ERC2: variants seen among roughly 807,000 people sequenced by gnomAD.
ERC2 encodes the protein ELKS/RAB6-interacting/CAST family member 2.
ERC2 carries 42 observed loss-of-function variants against 114.8 expected under a neutral mutation model. The observed-to-expected ratio is 0.37, with a 90% confidence interval of 0.29 to 0.47. ERC2 has a LOEUF of 0.47. Ranked by LOEUF, ERC2 falls within the 20% of genes least tolerant of loss-of-function variation. The probability of loss-of-function intolerance (pLI) is 0.99; values close to 1 mark genes in which losing one functional copy is unlikely to be tolerated. For synonymous variants in ERC2, 454 were observed against 425.5 expected, an observed-to-expected ratio of 1.07 and a Z score of -0.82; for missense variants, 939 against 1,150.7, an observed-to-expected ratio of 0.82 and a Z score of 2.66.
At chr3:55,733,425 C>A (rs2065387574) in intron 15 of ERC2, among the ~76,000 whole-genome samples, 1 of 151,546 alleles carries the variant, frequency 6.6e-6, no homozygotes, top group African/African-American at 2.4e-5. Flanking sequence ...CTTTCTCTCT[C>A]TCTCTCTCAT....
At chr3:56,330,087 C>T (rs2057540288) in intron 2 of ERC2, among the ~76,000 whole-genome samples, 1 of 151,996 alleles carries the variant, frequency 6.6e-6, no homozygotes, top group Non-Finnish European at 1.5e-5. Flanking sequence ...GGCTAAAGTG[C>T]AAGTGGCAAG....
chr3:56,291,913 T>C (rs2055114620), intron 3 of ERC2, among the ~76,000 whole-genome samples: 2 of 151,860 alleles, frequency 1.3e-5, no homozygotes, highest in African/African-American at 4.8e-5. Flanking sequence ...CCTTATAAAA[T>C]AACTAATGAA....
chr3:55,970,746 G>A (rs1343839284), intron 12 of ERC2, among the ~76,000 whole-genome samples: 1 of 152,174 alleles, frequency 6.6e-6, no homozygotes, highest in Non-Finnish European at 1.5e-5. Context: ...TAGCGGGAAT[G>A]TAAAATGGCA....
rs145119872 is a variant in ERC2, at chr3:56,115,131, G to A, written c.1473+24378C>T. ...CATCTGGTCTTGTGGGCCCCAAGAA[G>A]GAATTGACTTCCAGTCTCCCCTTTG... On this transcript the variant is annotated intron_variant, in intron 6 of 17. Transcript: ENST00000288221. Among the ~76,000 whole-genome samples, 125 of 152,248 alleles carry A rather than the reference G, an allele frequency of 8.2e-4. 1 individual carries two copies. In the East Asian group the frequency reaches 0.021, roughly 25 times the overall value.
At chr3:56,271,621 T>G (rs909725894) in intron 3 of ERC2, among the ~76,000 whole-genome samples, 1 of 152,196 alleles carries the variant, frequency 6.6e-6, no homozygotes, top group Non-Finnish European at 1.5e-5. Flanking sequence ...TTAACTTTTA[T>G]TTTAGGTTCA....
intron 14 of ERC2, among the ~76,000 whole-genome samples, chr3:55,782,807 G>T (rs558468861): frequency 1.3e-5 from 2 of 152,262 alleles, no homozygotes; most frequent in South Asian, 2.1e-4. Flanking sequence ...TGCAAATCAG[G>T]TCAAATCACC....
chr3:56,315,205 T>A (rs189205117), intron 2 of ERC2, among the ~76,000 whole-genome samples: 1 of 152,330 alleles, frequency 6.6e-6, no homozygotes, highest in African/African-American at 2.4e-5. Context: ...TTTTTCAGAT[T>A]TGACATTCTT....
Position 56,221,706 on chromosome 3 carries a change from C to T in ERC2, c.1075-48186G>A, listed in dbSNP as rs577028123. On this transcript the variant is annotated intron_variant, in intron 3 of 17. Transcript: ENST00000288221. ...GATCACGAGGTCAGGAGATCGAGAC[C>T]ATCCTGGCTAACTCAGTGAAACCCC... 3.7e-4 allele frequency among the ~76,000 whole-genome samples: 56 copies of T among 152,264 alleles called. 1 individual carries two copies. In the South Asian group the frequency reaches 0.011, roughly 30 times the overall value.
chr3:56,219,067 C>T (rs1420479931), intron 3 of ERC2, among the ~76,000 whole-genome samples: 4 of 152,058 alleles, frequency 2.6e-5, no homozygotes, highest in Non-Finnish European at 5.9e-5. Context: ...AGCACACCAA[C>T]ATGGCACATG....
intron 17 of ERC2, among the ~76,000 whole-genome samples, chr3:55,655,077 C>T (rs959721845): frequency 2.0e-5 from 3 of 151,160 alleles, no homozygotes; most frequent in Non-Finnish European, 2.9e-5. Flanking sequence ...GGCCGATGAC[C>T]GTCAGGAATG....
At chr3:55,906,388 C>T (rs531520506) in intron 13 of ERC2, among the ~76,000 whole-genome samples, 3 of 143,336 alleles carry the variant, frequency 2.1e-5, no homozygotes, top group Non-Finnish European at 3.0e-5. Context: ...GCCGAGATCG[C>T]GCCACTGCAC....
intron 13 of ERC2, among the ~76,000 whole-genome samples, chr3:55,942,576 C>A (rs2066881854): frequency 6.6e-6 from 1 of 151,728 alleles, no homozygotes; most frequent in Non-Finnish European, 1.5e-5. Flanking sequence ...GGATTACAGG[C>A]GTGAGCCACC....
At chr3:55,978,266 A>G (rs1330881533) in intron 12 of ERC2, among the ~76,000 whole-genome samples, 1 of 152,212 alleles carries the variant, frequency 6.6e-6, no homozygotes, top group African/African-American at 2.4e-5. Context: ...AAGTCCTTAT[A>G]TAGGACAAAC....
At chr3:55,591,567 T>TTGTGCGTG (rs1456737005) in intron 17 of ERC2, among the ~76,000 whole-genome samples, 1 of 127,428 alleles carries the variant, frequency 7.8e-6, no homozygotes, top group South Asian at 3.2e-4. Flanking sequence ...CCTCAGAAGT[T>TTGTGCGTG]TGTGTGCGTG....
chr3:55,605,848 C>T (rs1311561320), intron 17 of ERC2, among the ~76,000 whole-genome samples: 1 of 152,188 alleles, frequency 6.6e-6, no homozygotes, highest in Non-Finnish European at 1.5e-5. Flanking sequence ...AACATATCTA[C>T]TGTAAAAGCA....
At chr3:56,196,920 C>T (rs1486830649) in intron 3 of ERC2, among the ~76,000 whole-genome samples, 1 of 152,052 alleles carries the variant, frequency 6.6e-6, no homozygotes, top group Non-Finnish European at 1.5e-5. Context: ...CACTGCTAAT[C>T]CCCAGCATGA....
intron 8 of ERC2, among the ~76,000 whole-genome samples, chr3:56,011,585 G>A (rs970741661): frequency 6.7e-6 from 1 of 148,706 alleles, no homozygotes; most frequent in African/African-American, 2.5e-5. Context: ...GAATCTGCCT[G>A]ATATCAAAGT....
At chr3:55,696,751 C>T (rs2062953136) in intron 16 of ERC2, among the ~76,000 whole-genome samples, 1 of 152,128 alleles carries the variant, frequency 6.6e-6, no homozygotes, top group Non-Finnish European at 1.5e-5. Context: ...CAGTATAGGA[C>T]AAGGTATCAT....
In ERC2 at chr3:55,883,664, T is replaced by C. The variant is rs536319680; in HGVS notation, c.2564+4725A>G. Among the ~76,000 whole-genome samples, 493 of 151,382 alleles carry C rather than the reference T, an allele frequency of 3.3e-3. 9 individuals carry two copies. The highest frequency in any genetic ancestry group is 0.014 in the East Asian group (72 of 5,154). On this transcript the variant is annotated intron_variant, in intron 14 of 17. Transcript: ENST00000288221. ...CAGCACTTTGGGAGGCTGAGGCGGG[T>C]GGATCACGAGGTCAGGAGATCGAGA...
Sources: allele counts gnomAD v4.1 joint callset (sites outside exome capture counted in the v4.1 genomes callset), GRCh38; gene constraint gnomAD v4.1.1; transcripts MANE v1.5; gene names NCBI Gene and HGNC (gene_info 2026-07-23, HGNC 2026-07-21).